ATG12: variants seen among roughly 807,000 people sequenced by gnomAD.
ATG12 encodes the protein ubiquitin-like protein ATG12.
ATG12 carries 19 observed loss-of-function variants against 17.6 expected under a neutral mutation model. That is an observed-to-expected ratio of 1.08 (90% CI 0.75 to 1.58). The LOEUF (loss-of-function observed/expected upper bound fraction) is 1.58, where lower values mean the gene tolerates loss of function less well. ATG12 is among the 40% of genes most tolerant of loss of function. ATG12 has a pLI of 0.00. For synonymous variants in ATG12, 75 were observed against 62.4 expected (o/e 1.20, Z -0.95); for missense variants, 214 against 162.0 (o/e 1.32, Z -1.74).
At position 115,829,019 on chromosome 5, in the gene ATG12, A is replaced by AT. The variant is rs1277194466; in HGVS notation, c.*2784_*2785insA. The AT allele has an allele frequency of 6.6e-6, 1 of 152,216 alleles. No individual in the cohort carries two copies. The highest frequency in any genetic ancestry group is 2.4e-5 in the African/African-American group (1 of 41,454). 9.4% of individuals were successfully genotyped at this position (152,216 alleles called of 1,614,324 possible). ...TGCACGAGCAGAAGTAGATAACAGA[A>AT]AACACAAGGCATCTTCAAAGAATGG... On this transcript the variant is annotated 3_prime_UTR_variant, in exon 4 of 4. Transcript: ENST00000509910.
At chr5:115,837,821 G>A in intron 1 of ATG12, 57 bp from the exon 2 acceptor site, 7 of 1,386,436 alleles carry the variant, frequency 5.0e-6, no homozygotes, top group Non-Finnish European at 5.8e-6. Flanking sequence ...AAAGAGAATG[G>A]AATATAAAAG....
Position 115,832,584 on chromosome 5 carries a change from T to G in ATG12, c.363+18A>C. 2 of 1,416,208 alleles carry G rather than the reference T, an allele frequency of 1.4e-6. No homozygotes were observed. The highest frequency in any genetic ancestry group is 2.9e-5 in the East Asian group (1 of 34,448). The allele number at this position is 1,416,208 out of a possible 1,614,324, so 87.7% of individuals were successfully genotyped here. A position where few individuals can be genotyped will look rare whatever the true frequency, so the allele number is the denominator to read the frequency against. On this transcript the variant is annotated intron_variant, in intron 3 of 3. Coordinates refer to ENST00000509910, the MANE Select transcript of ATG12 (RefSeq NM_004707.4). ...AGTAATTTCTTTCTTTTTTTTTTTTTTTTTTTTTTTTTTTTACCTCATAGA... is the reference window on the plus strand; with the variant it reads ...AGTAATTTCTTTCTTTTTTTTTTTTGTTTTTTTTTTTTTTTACCTCATAGA...
At position 115,831,611 on chromosome 5, in the gene ATG12, G is replaced by C. The variant is rs866375535; in HGVS notation, c.*193C>G. The C allele has an allele frequency of 1.4e-5, 9 of 627,452 alleles. No homozygotes were observed. The highest frequency in any genetic ancestry group is 1.1e-4 in the African/African-American group (6 of 53,948). 38.9% of individuals were successfully genotyped at this position (627,452 alleles called of 1,614,324 possible). A position where few individuals can be genotyped will look rare whatever the true frequency, so the allele number is the denominator to read the frequency against. On this transcript the variant is annotated 3_prime_UTR_variant, in exon 4 of 4. Transcript: ENST00000509910. Reference sequence around the variant, plus strand: ...TCATGACCATCTTTTATGATGACTGGTGCATTAATACAAATCACATTTTTC... The same window carrying C: ...TCATGACCATCTTTTATGATGACTGCTGCATTAATACAAATCACATTTTTC...
intron 3 of ATG12, among the ~76,000 whole-genome samples, chr5:115,832,321 T>G (rs1208759179): frequency 6.6e-6 from 1 of 152,072 alleles, no homozygotes; most frequent in Non-Finnish European, 1.5e-5. Flanking sequence ...AAGCCTTACT[T>G]TATGAGAATC....
At chr5:115,832,826 C>T (rs982385848) in intron 2 of ATG12, 162 bp from the exon 3 acceptor site, 10 of 591,874 alleles carry the variant, frequency 1.7e-5, no homozygotes, top group Admixed American at 3.4e-5. Context: ...GAGATCATTA[C>T]GAAGATCTCA....
In ATG12 at chr5:115,831,549, G is replaced by A. The variant is rs1760869870; in HGVS notation, c.*255C>T. 3.7e-6 allele frequency: 2 copies of A among 543,330 alleles called. No homozygotes were observed. The highest frequency in any genetic ancestry group is 6.4e-5 in the East Asian group (2 of 31,452). 33.7% of individuals were successfully genotyped at this position (543,330 alleles called of 1,614,324 possible). On this transcript the variant is annotated 3_prime_UTR_variant, in exon 4 of 4. Transcript: ENST00000509910. Reference sequence around the variant, plus strand: ...TTTCAACCTTGGAGGCAGATCTGCAGCAATAATAGTAACAAGTAGGAGCAA... The same window carrying A: ...TTTCAACCTTGGAGGCAGATCTGCAACAATAATAGTAACAAGTAGGAGCAA...
chr5:115,837,837 G>C lies in ATG12; in HGVS notation c.164-73C>G, dbSNP rs542314965. On this transcript the variant is annotated intron_variant, in intron 1 of 3. Transcript: ENST00000509910. ...AAGAGAATGGAATATAAAAGACTTAGAAATCAGAAATATTTAATCTACATC... is the reference window on the plus strand; with the variant it reads ...AAGAGAATGGAATATAAAAGACTTACAAATCAGAAATATTTAATCTACATC... 223 of 1,237,726 alleles carry C rather than the reference G, an allele frequency of 1.8e-4. No individual in the cohort carries two copies. The African/African-American group carries it at 3.0e-3, about 17-fold the overall frequency. 76.7% of individuals were successfully genotyped at this position (1,237,726 alleles called of 1,614,324 possible).
In ATG12 at chr5:115,831,891, A is replaced by C. The variant is rs199860595; in HGVS notation, c.364-28T>G. 1.3e-3 allele frequency: 2,054 copies of C among 1,540,332 alleles called. 1 individual carries two copies. Among genetic ancestry groups the C allele is most frequent in the South Asian group, 2.1e-3 (184 of 87,438 alleles). ...ACAAAAAAAAAAGGCAATAAATCAA[A>C]CTCAATCTTTTATTATTCTTAGATG... On this transcript the variant is annotated intron_variant, in intron 3 of 3. Transcript: ENST00000509910.
At chr5:115,834,495 G>C (rs1181445756) in intron 2 of ATG12, 1 of 152,098 alleles carries the variant, frequency 6.6e-6, no homozygotes, top group African/African-American at 2.4e-5. Context: ...CAAGAACTTG[G>C]GCAGACAAAA....
chr5:115,830,393 T>C lies in ATG12; in HGVS notation c.*1411A>G, dbSNP rs1056825810. On this transcript the variant is annotated 3_prime_UTR_variant, in exon 4 of 4. Coordinates refer to ENST00000509910, the MANE Select transcript of ATG12 (RefSeq NM_004707.4). ...AAATATATGAATATAATTAAATATA[T>C]TCCTTCAGTAAACTGAACTGGACAA... is the stretch of plus-strand genomic sequence containing the variant. 1.3e-5 allele frequency: 2 copies of C among 152,126 alleles called. No individual in the cohort carries two copies. Among genetic ancestry groups the C allele is most frequent in the East Asian group, 1.9e-4 (1 of 5,196 alleles). 9.4% of individuals were successfully genotyped at this position (152,126 alleles called of 1,614,324 possible).
Position 115,829,330 on chromosome 5 carries a change from G to A in ATG12, c.*2474C>T, listed in dbSNP as rs1484658461. The A allele has an allele frequency of 1.3e-5, 2 of 152,174 alleles. No individual in the cohort carries two copies. Among genetic ancestry groups the A allele is most frequent in the Non-Finnish European group, 2.9e-5 (2 of 68,040 alleles). The allele number at this position is 152,174 out of a possible 1,614,324, so 9.4% of individuals were successfully genotyped here. On this transcript the variant is annotated 3_prime_UTR_variant, in exon 4 of 4. Coordinates refer to ENST00000509910, the MANE Select transcript of ATG12 (RefSeq NM_004707.4). Reference sequence around the variant, plus strand: ...TTGGTTGACTAATGTCATGTAATCTGAGAAATACACTGTACTTCGTTCTAG... The same window carrying A: ...TTGGTTGACTAATGTCATGTAATCTAAGAAATACACTGTACTTCGTTCTAG...
chr5:115,835,008 T>G (rs1580567491), intron 2 of ATG12: 1 of 152,176 alleles, frequency 6.6e-6, no homozygotes, highest in East Asian at 1.9e-4. Flanking sequence ...CTTTTTAAAT[T>G]TTTTTCATCT....
intron 1 of ATG12, 111 bp downstream of exon 1, chr5:115,841,279 T>G: frequency 7.2e-7 from 1 of 1,396,790 alleles, no homozygotes; most frequent in South Asian, 1.3e-5. Flanking sequence ...CTGGTCAAAA[T>G]GCAGGTCTAG....
chr5:115,840,984 C>G, intron 1 of ATG12: 1 of 901,142 alleles, frequency 1.1e-6, no homozygotes, highest in Non-Finnish European at 1.6e-6. Context: ...GGCATGAATT[C>G]TAATCCAGGC....
intron 1 of ATG12, chr5:115,838,949 C>A (rs1761215245): frequency 6.6e-6 from 1 of 152,144 alleles, no homozygotes; most frequent in African/African-American, 2.4e-5. Context: ...TGGTGAAACC[C>A]CATCTCTACT....
chr5:115,831,681 A>T lies in ATG12; in HGVS notation c.*123T>A. 1.2e-6 allele frequency: 1 copy of T among 863,288 alleles called. No homozygotes were observed. The highest frequency in any genetic ancestry group is 1.9e-6 in the Non-Finnish European group (1 of 536,848). 53.5% of individuals were successfully genotyped at this position (863,288 alleles called of 1,614,324 possible). A position where few individuals can be genotyped will look rare whatever the true frequency, so the allele number is the denominator to read the frequency against. Reference sequence around the variant, plus strand: ...GATGTTTTCTTATGCATAAACATAGAGTAGACACATACTAAATAGATCACA... The same window carrying T: ...GATGTTTTCTTATGCATAAACATAGTGTAGACACATACTAAATAGATCACA... On this transcript the variant is annotated 3_prime_UTR_variant, in exon 4 of 4. Coordinates refer to ENST00000509910, the MANE Select transcript of ATG12 (RefSeq NM_004707.4).
At position 115,831,402 on chromosome 5, in the gene ATG12, A is replaced by AT. The variant is rs1491360838; in HGVS notation, c.*401dup. On this transcript the variant is annotated 3_prime_UTR_variant, in exon 4 of 4. Coordinates refer to ENST00000509910, the MANE Select transcript of ATG12 (RefSeq NM_004707.4). ...GGTCAATGTGACTAAAAAGGTAAACATAGAGATAAATGTAAACATTAAAAA... is the reference window on the plus strand; with the variant it reads ...GGTCAATGTGACTAAAAAGGTAAACATTAGAGATAAATGTAAACATTAAAAA... 1 of 193,430 alleles carries AT rather than the reference A, an allele frequency of 5.2e-6. No individual in the cohort carries two copies. Among genetic ancestry groups the AT allele is most frequent in the Non-Finnish European group, 1.1e-5 (1 of 95,014 alleles). 12.0% of individuals were successfully genotyped at this position (193,430 alleles called of 1,614,324 possible).
At chr5:115,839,339 A>C (rs1580573883) in intron 1 of ATG12, 1 of 143,630 alleles carries the variant, frequency 7.0e-6, no homozygotes, top group Middle Eastern at 3.5e-3. Context: ...CTTCCTACTA[A>C]AGAACTACTT....
At position 115,828,297 on chromosome 5, in the gene ATG12, A is replaced by C. The variant is rs73265491; in HGVS notation, c.*3507T>G. 3.9e-5 allele frequency: 6 copies of C among 152,100 alleles called. No homozygotes were observed. The highest frequency in any genetic ancestry group is 1.5e-4 in the African/African-American group (6 of 41,358). 9.4% of individuals were successfully genotyped at this position (152,100 alleles called of 1,614,324 possible). A position where few individuals can be genotyped will look rare whatever the true frequency, so the allele number is the denominator to read the frequency against. On this transcript the variant is annotated 3_prime_UTR_variant, in exon 4 of 4. Coordinates refer to ENST00000509910, the MANE Select transcript of ATG12 (RefSeq NM_004707.4). Reference sequence around the variant, plus strand: ...AGGTTATACGAACAAACTGAAGTTTATACTTACGTTTCAAGGTTTTTGATA... The same window carrying C: ...AGGTTATACGAACAAACTGAAGTTTCTACTTACGTTTCAAGGTTTTTGATA...
Sources: gnomAD v4.1 joint callset for allele counts (sites outside exome capture counted in the v4.1 genomes callset) on GRCh38, gnomAD v4.1.1 for gene constraint, MANE v1.5 for transcripts, NCBI Gene and HGNC (gene_info 2026-07-23, HGNC 2026-07-21) for gene names.